TMEM41B: variants seen among roughly 807,000 people sequenced by gnomAD.
The protein encoded by TMEM41B is protein stasimon.
In TMEM41B, 18 loss-of-function variants were observed where a neutral mutation model predicts 31.9. The observed-to-expected ratio is 0.56, with a 90% CI of 0.39 to 0.84. The LOEUF is 0.84. Among genes scored for constraint, TMEM41B ranks in the 40% least tolerant of loss-of-function variants. The probability of loss-of-function intolerance (pLI) is 0.00; values close to 1 mark genes in which losing one functional copy is unlikely to be tolerated. For missense variants in TMEM41B, 322 were observed against 348.0 expected (o/e 0.93, Z 0.59); for synonymous variants, 144 against 124.3 (o/e 1.16, Z -1.05).
chr11:9,309,752 C>A (rs1037249111), intron 1 of TMEM41B, among the ~76,000 whole-genome samples: 1 of 150,794 alleles, frequency 6.6e-6, no homozygotes, highest in Non-Finnish European at 1.5e-5. Flanking sequence ...GAAACCCCAT[C>A]TCTACTAAAA....
intron 1 of TMEM41B, among the ~76,000 whole-genome samples, chr11:9,304,681 T>C (rs1357744677): frequency 1.3e-5 from 2 of 150,966 alleles, no homozygotes; most frequent in East Asian, 1.9e-4. Flanking sequence ...TTTTTTGAGA[T>C]GGAGTCTCAC....
At chr11:9,314,039 T>C (rs1424121610) in intron 1 of TMEM41B, among the ~76,000 whole-genome samples, 1 of 152,150 alleles carries the variant, frequency 6.6e-6, no homozygotes, top group African/African-American at 2.4e-5. Context: ...CCTAGCGTCG[T>C]TATCATCAAC....
Position 9,288,539 on chromosome 11 carries a change from G to T in TMEM41B, c.369-4C>A. ...TGGAATAGCAAATGTTTGCAAGCTGGTAACTTTTAAGTTAAGGATTAGAAT... is the reference window on the plus strand; with the variant it reads ...TGGAATAGCAAATGTTTGCAAGCTGTTAACTTTTAAGTTAAGGATTAGAAT... On this transcript the variant is annotated splice_polypyrimidine_tract_variant and splice_region_variant and intron_variant, in intron 3 of 6. Coordinates refer to ENST00000528080, the MANE Select transcript of TMEM41B (RefSeq NM_015012.4). 3.8e-6 allele frequency: 6 copies of T among 1,562,418 alleles called. No homozygotes were observed. Among genetic ancestry groups the T allele is most frequent in the Non-Finnish European group, 5.2e-6 (6 of 1,158,400 alleles).
intron 3 of TMEM41B, among the ~76,000 whole-genome samples, chr11:9,290,403 A>G (rs530934365): frequency 5.9e-5 from 9 of 152,250 alleles, no homozygotes; most frequent in African/African-American, 2.2e-4. Context: ...AAAACATCAT[A>G]TTATGGATAG....
At position 9,295,293 on chromosome 11, in the gene TMEM41B, G is replaced by C; in HGVS notation, c.334C>G (p.Gln112Glu). The C allele has an allele frequency of 6.3e-7, 1 of 1,582,700 alleles. No individual in the cohort carries two copies. Among genetic ancestry groups the C allele is most frequent in the Non-Finnish European group, 8.6e-7 (1 of 1,158,380 alleles). Residue 112 changes from glutamine (Q) to glutamate (E), a missense_variant, in exon 3 of 7, where the codon CAA becomes GAA. Coordinates refer to ENST00000528080, the MANE Select transcript of TMEM41B (RefSeq NM_015012.4). ...LSKYKDTFYV[Q>E]VLVAYFATYI... ...GTAGCAAAATAAGCTACAAGTACTT[G>C]AACATAAAAGGTGTCCTTGTATTTG... is the stretch of plus-strand genomic sequence containing the variant.
intron 3 of TMEM41B, among the ~76,000 whole-genome samples, chr11:9,289,208 G>T (rs1852900621): frequency 1.3e-5 from 2 of 152,116 alleles, no homozygotes; most frequent in African/African-American, 2.4e-5. Context: ...AGTTGCCCAG[G>T]CTAGTCTTGA....
chr11:9,283,704 G>A, intron 6 of TMEM41B, 111 bp from the exon 7 acceptor site: 4 of 918,764 alleles, frequency 4.4e-6, no homozygotes, highest in Non-Finnish European at 6.3e-6. Context: ...TTTCCATTTT[G>A]GAAAAAAAAT....
At chr11:9,308,172 C>A (rs1052068210) in intron 1 of TMEM41B, among the ~76,000 whole-genome samples, 1 of 152,056 alleles carries the variant, frequency 6.6e-6, no homozygotes, top group Non-Finnish European at 1.5e-5. Flanking sequence ...CATGGTAAAA[C>A]CCTCTACTAA....
chr11:9,284,632 G>A (rs748370298), intron 6 of TMEM41B, among the ~76,000 whole-genome samples: 6 of 151,744 alleles, frequency 4.0e-5, no homozygotes, highest in South Asian at 4.2e-4. Context: ...GTGTGTTGGC[G>A]CACACCTGTA....
chr11:9,293,275 G>A (rs1001458823), intron 3 of TMEM41B, among the ~76,000 whole-genome samples: 1 of 152,038 alleles, frequency 6.6e-6, no homozygotes, highest in African/African-American at 2.4e-5. Flanking sequence ...GCTAATTTTT[G>A]TATTTCTCGT....
At chr11:9,296,603 CAAAA>C (rs1164835040) in intron 2 of TMEM41B, among the ~76,000 whole-genome samples, 26 of 118,884 alleles carry the variant, frequency 2.2e-4, no homozygotes, top group Admixed American at 3.6e-4. Context: ...GACTCCGTCT[CAAAA>C]AAAAAAAAAA....
intron 1 of TMEM41B, among the ~76,000 whole-genome samples, chr11:9,305,376 A>G (rs1853363522): frequency 6.6e-6 from 1 of 152,138 alleles, no homozygotes; most frequent in Non-Finnish European, 1.5e-5. Flanking sequence ...CGGTGGGCAG[A>G]TTGCCTGAGG....
At position 9,311,696 on chromosome 11, in the gene TMEM41B, G is replaced by C. The variant is rs572884482; in HGVS notation, c.121+2625C>G. 1.7e-5 allele frequency: 13 copies of C among 770,434 alleles called. No homozygotes were observed. In the East Asian group the frequency reaches 3.0e-4, roughly 18 times the overall value. The allele number at this position is 770,434 out of a possible 1,614,324, so 47.7% of individuals were successfully genotyped here. ...TGGCACTGGGATTCCACATGTTTAGGTGTGTCCTCCAGCCTTTCCACTGCT... is the reference window on the plus strand; with the variant it reads ...TGGCACTGGGATTCCACATGTTTAGCTGTGTCCTCCAGCCTTTCCACTGCT... On this transcript the variant is annotated intron_variant, in intron 1 of 6. Transcript: ENST00000528080.
At chr11:9,296,692 T>C (rs1437935111) in intron 2 of TMEM41B, among the ~76,000 whole-genome samples, 1 of 151,982 alleles carries the variant, frequency 6.6e-6, no homozygotes. Context: ...TGGGTAATCC[T>C]GATGATAAAC....
chr11:9,288,415 C>T, intron 4 of TMEM41B, 27 bp downstream of exon 4: 1 of 1,467,110 alleles, frequency 6.8e-7, no homozygotes, highest in Non-Finnish European at 9.3e-7. Context: ...TTTTTTCAGT[C>T]TCCCAATTTT....
In TMEM41B at chr11:9,283,072, T is replaced by C. The variant is rs564971851; in HGVS notation, c.*352A>G. The C allele has an allele frequency of 2.7e-4, 42 of 155,174 alleles. No individual in the cohort carries two copies. The highest frequency in any genetic ancestry group is 5.4e-4 in the Non-Finnish European group (38 of 70,312). 9.6% of individuals were successfully genotyped at this position (155,174 alleles called of 1,614,324 possible). A position where few individuals can be genotyped will look rare whatever the true frequency, so the allele number is the denominator to read the frequency against. ...TTAAAAAATCTAGAATTTAAAAATA[T>C]CTATTTTAGTTATTAAAGATAAAAA... On this transcript the variant is annotated 3_prime_UTR_variant, in exon 7 of 7. Coordinates refer to ENST00000528080, the MANE Select transcript of TMEM41B (RefSeq NM_015012.4).
At chr11:9,300,299 T>C (rs1487104387) in intron 1 of TMEM41B, among the ~76,000 whole-genome samples, 2 of 152,146 alleles carry the variant, frequency 1.3e-5, no homozygotes, top group Non-Finnish European at 2.9e-5. Flanking sequence ...TTGTTCTAAA[T>C]GCTCTAAATT....
chr11:9,304,649 T>G (rs1853338842), intron 1 of TMEM41B, among the ~76,000 whole-genome samples: 1 of 148,832 alleles, frequency 6.7e-6, no homozygotes, highest in African/African-American at 2.4e-5. Flanking sequence ...CCATGTCTGC[T>G]TAATTAATTA....
intron 1 of TMEM41B, among the ~76,000 whole-genome samples, chr11:9,313,598 C>G (rs920331905): frequency 3.9e-5 from 6 of 152,108 alleles, no homozygotes; most frequent in African/African-American, 1.4e-4. Context: ...AAAATAAAGC[C>G]GTGAGAAATG....
Sources: allele counts gnomAD v4.1 joint callset (sites outside exome capture counted in the v4.1 genomes callset), GRCh38; gene constraint gnomAD v4.1.1; transcripts MANE v1.5; gene names NCBI Gene and HGNC (gene_info 2026-07-23, HGNC 2026-07-21).